Variants in CPNE4 observed in about 807,000 individuals in gnomAD.
CPNE4 encodes the protein copine 4.
Under a neutral mutation model 67.9 loss-of-function variants are expected in CPNE4, and 25 were observed. That is an observed-to-expected ratio of 0.37 (90% CI 0.27 to 0.51). The LOEUF is 0.51. CPNE4 is among the 20% of genes least tolerant of loss of function. The pLI is 0.93. For missense variants in CPNE4, 464 were observed against 690.8 expected (o/e 0.67, Z 3.68); for synonymous variants, 242 against 244.9 (o/e 0.99, Z 0.11).
chr3:131,657,628 T>C (rs2080008339), intron 7 of CPNE4, among the ~76,000 whole-genome samples: 1 of 150,172 alleles, frequency 6.7e-6, no homozygotes, highest in South Asian at 2.1e-4. Context: ...TCCAACTCAC[T>C]GGTTCAAGAG....
intron 1 of CPNE4, among the ~76,000 whole-genome samples, chr3:132,027,459 T>A (rs941340391): frequency 2.0e-5 from 3 of 152,102 alleles, no homozygotes; most frequent in African/African-American, 7.2e-5. Context: ...CTATCATGAG[T>A]GTTATTAGTT....
Position 131,650,744 on chromosome 3 carries a change from C to CAAAAAAAAA in CPNE4, c.681+18922_681+18930dup, listed in dbSNP as rs141219633. 3.8e-3 allele frequency among the ~76,000 whole-genome samples: 233 copies of CAAAAAAAAA among 61,196 alleles called. 18 individuals are homozygous for CAAAAAAAAA. The highest frequency in any genetic ancestry group is 0.019 in the African/African-American group (216 of 11,526). The allele number at this position is 61,196 out of a possible 152,430, so 40.1% of individuals were successfully genotyped here. On this transcript the variant is annotated intron_variant, in intron 7 of 15. Coordinates refer to ENST00000429747, the MANE Select transcript of CPNE4 (RefSeq NM_130808.3). The stretch of plus-strand genomic sequence containing the variant: ...TGGGGGACAGAGCAAGACTCCGTCT[C>CAAAAAAAAA]AAAAAAAAAAAAAAAAAAAAAAAAA...
chr3:132,012,075 T>C (rs1441329425), intron 1 of CPNE4, among the ~76,000 whole-genome samples: 2 of 152,190 alleles, frequency 1.3e-5, no homozygotes, highest in Admixed American at 6.5e-5. Flanking sequence ...GTCACAACTA[T>C]TCAATTTTGC....
intron 1 of CPNE4, among the ~76,000 whole-genome samples, chr3:131,952,759 G>A (rs1292014766): frequency 6.6e-6 from 1 of 152,178 alleles, no homozygotes; most frequent in African/African-American, 2.4e-5. Context: ...AGCTCATTGA[G>A]AACGGGCCAG....
intron 2 of CPNE4, among the ~76,000 whole-genome samples, chr3:131,871,900 C>T (rs1401045738): frequency 6.6e-6 from 1 of 152,120 alleles, no homozygotes; most frequent in Non-Finnish European, 1.5e-5. Context: ...CTCTATGAAC[C>T]CCATACCAGC....
At chr3:131,577,077 G>GA (rs139340498) in intron 9 of CPNE4, among the ~76,000 whole-genome samples, 6,084 of 150,124 alleles carry the variant, frequency 0.041, 364 homozygotes, top group African/African-American at 0.14. Flanking sequence ...AAAAAATATT[G>GA]AAAAAAAAAG....
intron 2 of CPNE4, among the ~76,000 whole-genome samples, chr3:131,832,712 T>C (rs1011630771): frequency 1.3e-5 from 2 of 152,194 alleles, no homozygotes; most frequent in Non-Finnish European, 2.9e-5. Flanking sequence ...GCAATTTGCC[T>C]CAGGATAAAC....
At chr3:131,607,064 T>C (rs532345627) in intron 7 of CPNE4, among the ~76,000 whole-genome samples, 14 of 147,956 alleles carry the variant, frequency 9.5e-5, no homozygotes, top group African/African-American at 3.6e-4. Context: ...CTAACATTGC[T>C]ACCACTGAAA....
chr3:131,763,938 G>C (rs1470322300), intron 2 of CPNE4, among the ~76,000 whole-genome samples: 1 of 151,822 alleles, frequency 6.6e-6, no homozygotes, highest in African/African-American at 2.4e-5. Context: ...ACACTTACAG[G>C]GTGCATCCTA....
intron 1 of CPNE4, among the ~76,000 whole-genome samples, chr3:131,915,452 A>C (rs1467323569): frequency 6.6e-6 from 1 of 152,176 alleles, no homozygotes; most frequent in Non-Finnish European, 1.5e-5. Flanking sequence ...CCCTCCTCTG[A>C]TTATTTCAAA....
At chr3:131,875,940 A>G (rs937251676) in intron 2 of CPNE4, among the ~76,000 whole-genome samples, 4 of 152,254 alleles carry the variant, frequency 2.6e-5, no homozygotes, top group African/African-American at 9.6e-5. Context: ...AAACTTAAAC[A>G]GTTTCTTAGG....
At chr3:131,604,770 A>G (rs1323454896) in intron 7 of CPNE4, among the ~76,000 whole-genome samples, 3 of 151,926 alleles carry the variant, frequency 2.0e-5, no homozygotes, top group Admixed American at 2.0e-4. Context: ...TCCCCTTTAT[A>G]TATATATATC....
At chr3:131,702,494 A>G (rs2081325341) in intron 3 of CPNE4, among the ~76,000 whole-genome samples, 2 of 152,216 alleles carry the variant, frequency 1.3e-5, no homozygotes, top group South Asian at 4.1e-4. Flanking sequence ...ACATCTGACT[A>G]AAGAAAGGCA....
At chr3:132,036,280 C>A (rs1379019403), upstream of CPNE4, among the ~76,000 whole-genome samples, 3 of 152,170 alleles carry the variant, frequency 2.0e-5, no homozygotes, top group Admixed American at 6.5e-5. Context: ...GGTCACATGG[C>A]TATGCATAAG....
At chr3:131,562,457 TCTA>T in intron 11 of CPNE4, among the ~76,000 whole-genome samples, 1 of 152,170 alleles carries the variant, frequency 6.6e-6, no homozygotes, top group Admixed American at 6.6e-5. Context: ...TAATTAAGCA[TCTA>T]CTGTTTGACA....
At chr3:131,696,650 G>A (rs2081165502) in intron 4 of CPNE4, 34 bp from the exon 5 acceptor site, 1 of 1,588,116 alleles carries the variant, frequency 6.3e-7, no homozygotes, top group African/African-American at 1.3e-5. Context: ...CTGCAATAGA[G>A]GGTGAACTCC....
intron 6 of CPNE4, among the ~76,000 whole-genome samples, chr3:131,678,764 C>A (rs192987416): frequency 6.6e-6 from 1 of 152,290 alleles, no homozygotes; most frequent in African/African-American, 2.4e-5. Context: ...ATTGAACCAA[C>A]CTTGCATCCT....
intron 5 of CPNE4, among the ~76,000 whole-genome samples, chr3:131,689,083 T>C (rs1221814263): frequency 6.6e-6 from 1 of 152,222 alleles, no homozygotes; most frequent in African/African-American, 2.4e-5. Flanking sequence ...TGTCTTCAGG[T>C]AGCTGAAAAT....
intron 11 of CPNE4, 53 bp downstream of exon 11, chr3:131,564,163 G>C (rs6439305): frequency 6.2e-7 from 1 of 1,607,432 alleles, no homozygotes; most frequent in Non-Finnish European, 8.5e-7. Context: ...GCCAAAGACC[G>C]TCTGAACCCA....
Sources: allele counts gnomAD v4.1 joint callset (sites outside exome capture counted in the v4.1 genomes callset), GRCh38; gene constraint gnomAD v4.1.1; transcripts MANE v1.5; gene names NCBI Gene and HGNC (gene_info 2026-07-23, HGNC 2026-07-21).